Variants in PTPRD observed in about 807,000 individuals in gnomAD.
The protein encoded by PTPRD is protein tyrosine phosphatase receptor type D, also known as receptor-type tyrosine-protein phosphatase delta.
Under a neutral mutation model 214.5 loss-of-function variants are expected in PTPRD, and 34 were observed. The observed-to-expected ratio is 0.16, with a 90% CI of 0.12 to 0.21. The LOEUF (loss-of-function observed/expected upper bound fraction) is 0.21. PTPRD is among the 10% of genes least tolerant of loss of function. PTPRD has a pLI of 1.00. For missense variants in PTPRD, 2,545 were observed against 2,398.7 expected (o/e 1.06, Z -1.27); for synonymous variants, 1,128 against 845.7 (o/e 1.33, Z -5.79).
At chr9:9,060,332 T>G (rs2099704750) in intron 10 of PTPRD, among the ~76,000 whole-genome samples, 1 of 152,154 alleles carries the variant, frequency 6.6e-6, no homozygotes, top group African/African-American at 2.4e-5. Context: ...ATTTGACTCT[T>G]ATCTCACATC....
chr9:9,377,885 A>G (rs1355032020), intron 9 of PTPRD, among the ~76,000 whole-genome samples: 1 of 151,946 alleles, frequency 6.6e-6, no homozygotes, highest in Non-Finnish European at 1.5e-5. Context: ...CTCTTCTAGA[A>G]GATTTTTGTT....
intron 5 of PTPRD, among the ~76,000 whole-genome samples, chr9:9,829,969 C>T (rs2054268158): frequency 6.6e-6 from 1 of 151,686 alleles, no homozygotes; most frequent in South Asian, 2.1e-4. Flanking sequence ...AGTAGACTTT[C>T]TTTTGCATGC....
intron 7 of PTPRD, among the ~76,000 whole-genome samples, chr9:9,578,863 C>T (rs1210648927): frequency 6.6e-6 from 1 of 151,968 alleles, no homozygotes; most frequent in African/African-American, 2.4e-5. Context: ...AAGTCACATA[C>T]CAGGATAGGA....
chr9:9,014,767 A>T (rs1230537970), intron 11 of PTPRD, among the ~76,000 whole-genome samples: 1 of 152,180 alleles, frequency 6.6e-6, no homozygotes, highest in Non-Finnish European at 1.5e-5. Flanking sequence ...TAAGATGACT[A>T]CTTAAAACAC....
At chr9:10,276,880 T>C (rs1179862712) in intron 3 of PTPRD, among the ~76,000 whole-genome samples, 1 of 152,232 alleles carries the variant, frequency 6.6e-6, no homozygotes, top group African/African-American at 2.4e-5. Flanking sequence ...CTTCTTTGAG[T>C]ACACAAACTA....
At chr9:10,460,813 C>A (rs1370040966) in intron 2 of PTPRD, among the ~76,000 whole-genome samples, 3 of 151,992 alleles carry the variant, frequency 2.0e-5, no homozygotes, top group Non-Finnish European at 4.4e-5. Flanking sequence ...AGGAAAAGCT[C>A]CTTGACATTA....
At chr9:8,709,593 A>C (rs1287827002) in intron 12 of PTPRD, among the ~76,000 whole-genome samples, 1 of 151,872 alleles carries the variant, frequency 6.6e-6, no homozygotes, top group Non-Finnish European at 1.5e-5. Context: ...TCATAACAAA[A>C]ATTATAATTA....
chr9:8,340,245 A>G, intron 42 of PTPRD, 98 bp downstream of exon 42: 2 of 1,285,922 alleles, frequency 1.6e-6, no homozygotes, highest in South Asian at 2.2e-5. Context: ...ACTGCATTTC[A>G]AAAAAAATGA....
chr9:9,084,588 G>A (rs1386441265), intron 10 of PTPRD, among the ~76,000 whole-genome samples: 2 of 151,964 alleles, frequency 1.3e-5, no homozygotes, highest in Non-Finnish European at 2.9e-5. Context: ...ACATTTCTGG[G>A]AGCCAAAGTC....
intron 10 of PTPRD, among the ~76,000 whole-genome samples, chr9:9,083,911 T>C (rs2099762904): frequency 6.6e-6 from 1 of 152,114 alleles, no homozygotes; most frequent in Non-Finnish European, 1.5e-5. Flanking sequence ...CAACAGATGC[T>C]AGAGAGGATG....
rs143845312 is a variant in PTPRD at position 9,615,897 on chromosome 9, G to C, written c.-286-41116C>G. ...AAACAAGTCCTCTCTCAATAGGATG[G>C]CTGTGTGTATAACTACTCTCTATTT... On this transcript the variant is annotated intron_variant, in intron 7 of 45. Transcript: ENST00000381196. 1.2e-4 allele frequency among the ~76,000 whole-genome samples: 19 copies of C among 152,268 alleles called. 1 individual carries two copies. The East Asian group carries it at 3.5e-3, about 28-fold the overall frequency.
chr9:8,610,616 G>C (rs1319956252), intron 14 of PTPRD, among the ~76,000 whole-genome samples: 1 of 152,114 alleles, frequency 6.6e-6, no homozygotes, highest in East Asian at 1.9e-4. Flanking sequence ...GGCATGCTAA[G>C]CACCACAGAC....
intron 4 of PTPRD, among the ~76,000 whole-genome samples, chr9:10,027,337 G>C (rs115271908): frequency 6.6e-6 from 1 of 152,134 alleles, no homozygotes; most frequent in East Asian, 1.9e-4. Context: ...AAGCTGGGGG[G>C]AAAAGAGGTA....
intron 9 of PTPRD, among the ~76,000 whole-genome samples, chr9:9,319,674 C>T (rs1965401890): frequency 6.6e-6 from 1 of 152,134 alleles, no homozygotes; most frequent in Non-Finnish European, 1.5e-5. Flanking sequence ...TTACGTAGTT[C>T]AGAAGTCTGA....
intron 11 of PTPRD, among the ~76,000 whole-genome samples, chr9:8,925,997 A>C (rs1326192789): frequency 6.6e-6 from 1 of 151,690 alleles, no homozygotes; most frequent in Non-Finnish European, 1.5e-5. Context: ...CCAGAACCCA[A>C]ACTACTTAAA....
chr9:9,502,102 C>T (rs2096436595), intron 8 of PTPRD, among the ~76,000 whole-genome samples: 1 of 151,802 alleles, frequency 6.6e-6, no homozygotes, highest in Admixed American at 6.6e-5. Context: ...TCCGCTTGCT[C>T]TCATTTATCA....
At chr9:9,638,102 T>C (rs1337302151) in intron 7 of PTPRD, among the ~76,000 whole-genome samples, 1 of 152,222 alleles carries the variant, frequency 6.6e-6, no homozygotes, top group East Asian at 1.9e-4. Flanking sequence ...CAGGCTGCCT[T>C]CTATCCATAC....
chr9:10,265,718 A>C (rs2094007749), intron 3 of PTPRD, among the ~76,000 whole-genome samples: 1 of 152,170 alleles, frequency 6.6e-6, no homozygotes, highest in Non-Finnish European at 1.5e-5. Flanking sequence ...AAGGAAACAA[A>C]TAGGCAGCAT....
rs34926923 is a variant in PTPRD at position 10,103,395 on chromosome 9, T to TATATATATATATGTATATATA, written c.-544-69606_-544-69605insTATATATACATATATATATAT. 3.4e-5 allele frequency among the ~76,000 whole-genome samples: 4 copies of TATATATATATATGTATATATA among 116,698 alleles called. 1 individual carries two copies. The highest frequency in any genetic ancestry group is 1.3e-4 in the African/African-American group (4 of 31,428). The allele number at this position is 116,698 out of a possible 152,430, so 76.6% of individuals were successfully genotyped here. On this transcript the variant is annotated intron_variant, in intron 3 of 45. Coordinates refer to ENST00000381196, the MANE Select transcript of PTPRD (RefSeq NM_002839.4). ...CTGCATATTATATATATATATATAT[T>TATATATATATATGTATATATA]TATTTAAGAGCATTGCAGTAAGAAA...
Sources: allele counts gnomAD v4.1 joint callset (sites outside exome capture counted in the v4.1 genomes callset), GRCh38; gene constraint gnomAD v4.1.1; transcripts MANE v1.5; gene names NCBI Gene and HGNC (gene_info 2026-07-23, HGNC 2026-07-21).